Variants in MAGEC1 observed in about 807,000 individuals in gnomAD.
MAGEC1 encodes the protein melanoma-associated antigen C1.
A neutral mutation model predicts 1.5 loss-of-function variants in MAGEC1; 3 were observed. The ratio of observed to expected loss-of-function variants is 1.97; its 90% CI spans 0.90 to 5.10. The LOEUF is 5.10. Among genes scored for constraint, MAGEC1 ranks in the 30% most tolerant of loss-of-function variants. MAGEC1 has a pLI of 0.02. For synonymous variants in MAGEC1, 357 were observed against 310.4 expected (o/e 1.15, Z -1.58); for missense variants, 985 against 803.1 (o/e 1.23, Z -2.74).
rs201830037 is a variant in MAGEC1, at chrX:141,905,555, C to T, written c.151C>T (p.Leu51Phe). Residue 51 changes from leucine to phenylalanine, a missense_variant, in exon 4 of 4, where the codon CTC (leucine) becomes TTC (phenylalanine). By Grantham distance (22) the Leu-to-Phe change is conservative (BLOSUM62 0). Transcript: ENST00000285879. The stretch of plus-strand genomic sequence containing the variant: ...TGAGAGCGACGACACCCTGTATCCT[C>T]TCCAGAGTCCTCAGAGTCGTTCTGA... Reference protein sequence around the residue: ...SPESDDTLYPLQSPQSRSEGE... With the variant: ...SPESDDTLYPFQSPQSRSEGE... The T allele has an allele frequency of 2.6e-5, 32 of 1,208,255 alleles. No homozygotes were observed. The highest frequency in any genetic ancestry group is 2.4e-4 in the Admixed American group (11 of 45,698).
chrX:141,908,777 A>T lies in MAGEC1; in HGVS notation c.3373A>T (p.Thr1125Ser). The change falls in exon 4 of 4, where the codon ACT becomes TCT. Residue 1125 changes from threonine to serine, a missense_variant. By Grantham distance (58) the Thr-to-Ser change is moderately conservative. Transcript: ENST00000285879. ...CATAATTGACACCACAGATGATTCG[A>T]CTGCCACAGAAAGTGCAAGCTCCAG... ...QAIIDTTDDS[T>S]ATESASSSVM... is the part of the protein sequence containing the mutation. The T allele has an allele frequency of 5.8e-6, 7 of 1,210,247 alleles. No individual in the cohort carries two copies. Among genetic ancestry groups the T allele is most frequent in the Non-Finnish European group, 7.8e-6 (7 of 894,694 alleles).
In MAGEC1 at chrX:141,908,792, G is replaced by T. The variant is rs775708520; in HGVS notation, c.3388G>T (p.Ala1130Ser). ...TTDDSTATES[A>S]SSSVMSPSFS... ...AGATGATTCGACTGCCACAGAAAGT[G>T]CAAGCTCCAGTGTCATGTCCCCCAG... Residue 1130 changes from alanine to serine, a missense_variant, in exon 4 of 4, where the codon GCA becomes TCA. Coordinates refer to ENST00000285879, the MANE Select transcript of MAGEC1 (RefSeq NM_005462.5). The T allele has an allele frequency of 6.0e-5, 72 of 1,206,021 alleles. No individual in the cohort carries two copies. The highest frequency in any genetic ancestry group is 7.8e-5 in the Non-Finnish European group (70 of 893,255).
At chrX:141,905,357 TC>T (rs1315071537) in intron 3 of MAGEC1, 51 bp from the exon 4 acceptor site, 6 of 1,091,317 alleles carry the variant, frequency 5.5e-6, no homozygotes, top group Non-Finnish European at 7.5e-6. Flanking sequence ...CTCGTCCTCC[TC>T]CTGTTTTTCT....
Position 141,905,648 on chromosome X carries a change from A to T in MAGEC1, c.244A>T (p.Ile82Phe). Residue 82 changes from isoleucine (I) to phenylalanine (F), a missense_variant, in exon 4 of 4, where the codon ATT becomes TTT. By Grantham distance (21) the Ile-to-Phe change is conservative (BLOSUM62 0). Coordinates refer to ENST00000285879, the MANE Select transcript of MAGEC1 (RefSeq NM_005462.5). ...GAAGGACTCCCAGTCTCCTCTCCAG[A>T]TTCCCCAGAGTTCTCCTGAGGGCGA... ...EGKDSQSPLQIPQSSPEGDDT... is the reference protein window; with the variant it reads ...EGKDSQSPLQFPQSSPEGDDT... The T allele has an allele frequency of 8.3e-7, 1 of 1,210,760 alleles. No individual in the cohort carries two copies. Among genetic ancestry groups the T allele is most frequent in the Non-Finnish European group, 1.1e-6 (1 of 894,957 alleles).
In MAGEC1 at chrX:141,907,344, G is replaced by A. The variant is rs139126866; in HGVS notation, c.1940G>A (p.Ser647Asn). 1.2e-3 allele frequency: 1,487 copies of A among 1,202,029 alleles called. 11 individuals carry two copies. In the African/African-American group the frequency reaches 0.023, roughly 18 times the overall value. Reference sequence around the variant, plus strand: ...AGTCTTCCCCAGAGTTTCCCTGAGAGTTCTCAGAGTCCTCCTGAGGGGCCT... The same window carrying A: ...AGTCTTCCCCAGAGTTTCCCTGAGAATTCTCAGAGTCCTCCTGAGGGGCCT... ...PSSLPQSFPE[S>N]SQSPPEGPVQ... The change falls in exon 4 of 4, where the codon AGT becomes AAT. Residue 647 changes from serine to asparagine, a missense_variant. Physicochemically the swap from Ser to Asn is conservative, Grantham distance 46. Coordinates refer to ENST00000285879, the MANE Select transcript of MAGEC1 (RefSeq NM_005462.5).
In MAGEC1 at chrX:141,905,418, A is replaced by T; in HGVS notation, c.14A>T (p.Asp5Val). 8.3e-7 allele frequency: 1 copy of T among 1,209,990 alleles called. No individual in the cohort carries two copies. The highest frequency in any genetic ancestry group is 1.1e-6 in the Non-Finnish European group (1 of 894,410). Residue 5 changes from aspartate to valine, a missense_variant, in exon 4 of 4, where the codon GAT becomes GTT. Transcript: ENST00000285879. The stretch of plus-strand genomic sequence containing the variant: ...CTTCTGCGTTCTCCAGGGGACAAGG[A>T]TATGCCTACTGCTGGGATGCCGAGT... MGDK[D>V]MPTAGMPSLL...
chrX:141,905,653 C>T lies in MAGEC1; in HGVS notation c.249C>T (p.Pro83=), dbSNP rs878872036. Reference sequence around the variant, plus strand: ...ACTCCCAGTCTCCTCTCCAGATTCCCCAGAGTTCTCCTGAGGGCGACGACA... The same window carrying T: ...ACTCCCAGTCTCCTCTCCAGATTCCTCAGAGTTCTCCTGAGGGCGACGACA... ...GKDSQSPLQI[P]QSSPEGDDTQ... is the part of the protein sequence containing the mutation. The change falls in exon 4 of 4, where the codon CCC becomes CCT. Residue 83 remains proline, a synonymous_variant. Transcript: ENST00000285879. 8.3e-7 allele frequency: 1 copy of T among 1,208,958 alleles called. No homozygotes were observed. Among genetic ancestry groups the T allele is most frequent in the Non-Finnish European group, 1.1e-6 (1 of 894,017 alleles).
chrX:141,907,749 T>C lies in MAGEC1; in HGVS notation c.2345T>C (p.Phe782Ser), dbSNP rs1273319643. ...QSPLQRPVSS[F>S]FSYTLASLLQ... The stretch of plus-strand genomic sequence containing the variant: ...CCTCTCCAGAGACCTGTCAGCTCCT[T>C]CTTCTCCTACACTTTAGCGAGTCTT... The change falls in exon 4 of 4, where the codon TTC becomes TCC. Residue 782 changes from phenylalanine (F) to serine (S), a missense_variant. Transcript: ENST00000285879. 1.2e-5 allele frequency: 14 copies of C among 1,205,335 alleles called. No individual in the cohort carries two copies. The highest frequency in any genetic ancestry group is 4.4e-5 in the Admixed American group (2 of 45,460).
chrX:141,908,993 A>G lies in MAGEC1; in HGVS notation c.*160A>G. The G allele has an allele frequency of 5.0e-6, 2 of 399,737 alleles. No homozygotes were observed. The highest frequency in any genetic ancestry group is 8.2e-6 in the Non-Finnish European group (2 of 243,287). The allele number at this position is 399,737 out of a possible 1,213,427, so 32.9% of individuals were successfully genotyped here. ...CTGTTTTACTTTTGGGTATTTTTCA[A>G]ATGCTTTTCCTATTAATAACAGGTT... On this transcript the variant is annotated 3_prime_UTR_variant, in exon 4 of 4. Coordinates refer to ENST00000285879, the MANE Select transcript of MAGEC1 (RefSeq NM_005462.5).
chrX:141,906,019 C>T lies in MAGEC1; in HGVS notation c.615C>T (p.Ser205=), dbSNP rs138848338. The T allele has an allele frequency of 2.5e-6, 3 of 1,197,598 alleles. No individual in the cohort carries two copies. Among genetic ancestry groups the T allele is most frequent in the South Asian group, 1.8e-5 (1 of 56,757 alleles). ...CACTCCAGATTCCTGTGAGCCGCTC[C>T]TTCTCCTCCACTTTATTGAGTATTT... is the stretch of plus-strand genomic sequence containing the variant. ...QSPLQIPVSR[S]FSSTLLSIFQ... is the part of the protein sequence containing the mutation. Residue 205 remains serine, a synonymous_variant, in exon 4 of 4, where the codon TCC becomes TCT. Transcript: ENST00000285879.
chrX:141,905,388 C>T, intron 3 of MAGEC1, 21 bp from the exon 4 acceptor site: 1 of 1,187,747 alleles, frequency 8.4e-7, no homozygotes, highest in Non-Finnish European at 1.1e-6. Context: ...TCATCCTCCT[C>T]TCTGCTTCTG....
chrX:141,909,213 G>C lies in MAGEC1; in HGVS notation c.*380G>C. 1 of 132,052 alleles carries C rather than the reference G, an allele frequency of 7.6e-6. No homozygotes were observed. Among genetic ancestry groups the C allele is most frequent in the Non-Finnish European group, 1.5e-5 (1 of 67,188 alleles). The allele number at this position is 132,052 out of a possible 1,213,427, so 10.9% of individuals were successfully genotyped here. ...TTACTGTAGGAATTTTCTTGAAACT[G>C]TGAAGGAACTCTGCAGTTAAATAGT... On this transcript the variant is annotated 3_prime_UTR_variant, in exon 4 of 4. Transcript: ENST00000285879.
intron 1 of MAGEC1, among the ~76,000 whole-genome samples, chrX:141,904,222 C>T (rs1286532056): frequency 8.9e-6 from 1 of 111,847 alleles, no homozygotes; most frequent in Non-Finnish European, 1.9e-5. Context: ...AGATTCCCAC[C>T]CTGCTCCTCA....
chrX:141,904,368 C>T (rs1569476996), intron 1 of MAGEC1, among the ~76,000 whole-genome samples: 1 of 110,556 alleles, frequency 9.0e-6, no homozygotes, highest in Non-Finnish European at 1.9e-5. Context: ...GGGGAGCTGC[C>T]TCCAGTTGGC....
At position 141,908,576 on chromosome X, in the gene MAGEC1, G is replaced by T. The variant is rs761623332; in HGVS notation, c.3172G>T (p.Glu1058Ter). 3 of 1,202,717 alleles carry T rather than the reference G, an allele frequency of 2.5e-6. No individual in the cohort carries two copies. Among genetic ancestry groups the T allele is most frequent in the East Asian group, 5.9e-5 (2 of 33,660 alleles). Residue 1058 changes from glutamate to a stop codon, truncating the protein, a stop_gained, in exon 4 of 4, where the codon GAG (glutamate) becomes TAG (stop). Transcript: ENST00000285879. LOFTEE classifies it low-confidence loss of function (END_TRUNC). ...GCAGGAACATTACCTAGAGTACCGG[G>T]AGGTGCCCAACTCTTCTCCTCCTCG... Reference protein sequence around the residue: ...WVQEHYLEYREVPNSSPPRYE... With the variant: ...WVQEHYLEYR
chrX:141,906,264 C>T lies in MAGEC1; in HGVS notation c.860C>T (p.Ser287Phe), dbSNP rs141817885. 1.1e-4 allele frequency: 128 copies of T among 1,116,908 alleles called. 1 individual carries two copies. In the East Asian group the frequency reaches 2.7e-3, roughly 23 times the overall value. 92.0% of individuals were successfully genotyped at this position (1,116,908 alleles called of 1,213,427 possible). ...SSTLVSLFQS[S>F]PERTQSTFEG... ...ACTTTAGTGAGTCTTTTCCAGAGTT[C>T]CCCTGAGAGAACTCAGAGTACTTTT... Residue 287 changes from serine to phenylalanine, a missense_variant, in exon 4 of 4, where the codon TCC (serine) becomes TTC (phenylalanine). Physicochemically the swap from Ser to Phe is radical, Grantham distance 155. Transcript: ENST00000285879.
rs766239845 is a variant in MAGEC1 at position 141,908,610 on chromosome X, TC to T, written c.3208del (p.Leu1070CysfsTer15). 2 of 1,208,074 alleles carry T rather than the reference TC, an allele frequency of 1.7e-6. No individual in the cohort carries two copies. The highest frequency in any genetic ancestry group is 2.3e-4 in the Middle Eastern group (1 of 4,356). ...AACTCTTCTCCTCCTCGTTACGAAT[TC>T]CTGTGGGGTCCAAGAGCTCATTCAG... ...VPNSSPPRYE[F>X]LWGPRAHSEV... On this transcript the variant is annotated frameshift_variant, in exon 4 of 4. Transcript: ENST00000285879. LOFTEE classifies it low-confidence loss of function (END_TRUNC).
chrX:141,909,232 A>C lies in MAGEC1; in HGVS notation c.*399A>C, dbSNP rs1011229125. ...GAAACTGTGAAGGAACTCTGCAGTT[A>C]AATAGTGGAATAAAGTAAAGGATTG... On this transcript the variant is annotated 3_prime_UTR_variant, in exon 4 of 4. Transcript: ENST00000285879. 2 of 124,839 alleles carry C rather than the reference A, an allele frequency of 1.6e-5. No homozygotes were observed. The highest frequency in any genetic ancestry group is 3.2e-5 in the Non-Finnish European group (2 of 61,953). 10.3% of individuals were successfully genotyped at this position (124,839 alleles called of 1,213,427 possible).
chrX:141,905,936 A>G lies in MAGEC1; in HGVS notation c.532A>G (p.Ile178Val). The G allele has an allele frequency of 1.9e-6, 2 of 1,047,345 alleles. No homozygotes were observed. The highest frequency in any genetic ancestry group is 2.5e-6 in the Non-Finnish European group (2 of 807,407). The allele number at this position is 1,047,345 out of a possible 1,213,427, so 86.3% of individuals were successfully genotyped here. The change falls in exon 4 of 4, where the codon ATT (isoleucine) becomes GTT (valine). Residue 178 changes from isoleucine (I) to valine (V), a missense_variant. Ile to Val is a conservative substitution (Grantham distance 29). Transcript: ENST00000285879. ...CGCCTCCTCCTCCACTTTAGTGAGT[A>G]TTTTCCAGAGTTCCCCTGAGAGTAC... ...SAASSSTLVS[I>V]FQSSPESTQS...
Sources: allele counts gnomAD v4.1 joint callset (sites outside exome capture counted in the v4.1 genomes callset), GRCh38; gene constraint gnomAD v4.1.1; transcripts MANE v1.5; gene names NCBI Gene and HGNC (gene_info 2026-07-23, HGNC 2026-07-21).